HDAC9: variants seen among roughly 807,000 people sequenced by gnomAD.
HDAC9 encodes the protein MEF-2 interacting transcription repressor (MITR) protein.
In HDAC9, 41 loss-of-function variants were observed where a neutral mutation model predicts 139.4. That is an observed-to-expected ratio of 0.29 (90% CI 0.23 to 0.38). HDAC9 has a LOEUF of 0.38. Among genes scored for constraint, HDAC9 ranks in the 10% least tolerant of loss-of-function variants. HDAC9 has a pLI of 1.00. For synonymous variants in HDAC9, 517 were observed against 476.2 expected (o/e 1.09, Z -1.12); for missense variants, 1,147 against 1,297.0 (o/e 0.88, Z 1.78).
chr7:18,661,986 G>A (rs973093577), intron 11 of HDAC9, among the ~76,000 whole-genome samples: 2 of 152,102 alleles, frequency 1.3e-5, no homozygotes, highest in African/African-American at 4.8e-5. Context: ...GACTTCACAG[G>A]TCAGATTTCA....
chr7:18,437,605 T>C (rs887696802), intron 1 of HDAC9, among the ~76,000 whole-genome samples: 3 of 150,316 alleles, frequency 2.0e-5, no homozygotes, highest in African/African-American at 7.3e-5. Context: ...TTATATAAAG[T>C]ATGATATGAA....
At chr7:18,656,337 A>C (rs147675115) in intron 11 of HDAC9, among the ~76,000 whole-genome samples, 3 of 152,188 alleles carry the variant, frequency 2.0e-5, no homozygotes, top group Non-Finnish European at 2.9e-5. Flanking sequence ...ATGATGTTCC[A>C]CAAAGACTTA....
At chr7:18,257,345 C>CA (rs1399642755) in intron 2 of HDAC9, among the ~76,000 whole-genome samples, 2 of 148,942 alleles carry the variant, frequency 1.3e-5, no homozygotes, top group Non-Finnish European at 1.5e-5. Flanking sequence ...CTGGATGACA[C>CA]AATGAGACCA....
chr7:18,678,974 A>G (rs1234830271), intron 12 of HDAC9, among the ~76,000 whole-genome samples: 2 of 151,934 alleles, frequency 1.3e-5, no homozygotes, highest in African/African-American at 2.4e-5. Flanking sequence ...TCTCTGGAGC[A>G]TTTAACAGGG....
At chr7:18,258,951 CTTTTTTTTTTTTTTTTTTTT>C (rs199607615) in intron 2 of HDAC9, among the ~76,000 whole-genome samples, 1 of 98,326 alleles carries the variant, frequency 1.0e-5, no homozygotes, top group Non-Finnish European at 2.1e-5. Context: ...TCTTCTTCTC[CTTTTTTTTTTTTTTTTTTTT>C]TTTTTTTTTT....
At chr7:18,178,076 A>ACCTCC (rs978020982) in intron 2 of HDAC9, among the ~76,000 whole-genome samples, 3 of 24,388 alleles carry the variant, frequency 1.2e-4, no homozygotes, top group East Asian at 8.7e-4. Flanking sequence ...TCCCTCCTCC[A>ACCTCC]CCTCCCCTCC....
chr7:18,418,680 A>T (rs1789325908), intron 1 of HDAC9, among the ~76,000 whole-genome samples: 1 of 152,094 alleles, frequency 6.6e-6, no homozygotes, highest in Admixed American at 6.6e-5. Context: ...TTAGTGATAA[A>T]ATTTTATGCT....
chr7:18,502,217 G>A (rs1455560884), intron 2 of HDAC9: 1 of 152,210 alleles, frequency 6.6e-6, no homozygotes, highest in African/African-American at 2.4e-5. Flanking sequence ...AAACTCCAGA[G>A]ACAAAGAGGG....
intron 16 of HDAC9, among the ~76,000 whole-genome samples, chr7:18,791,401 C>G (rs1353014811): frequency 6.6e-6 from 1 of 152,092 alleles, no homozygotes; most frequent in Non-Finnish European, 1.5e-5. Flanking sequence ...TGACTAAAAC[C>G]TATATAATAC....
At chr7:18,334,864 CG>C (rs899877152) in intron 1 of HDAC9, among the ~76,000 whole-genome samples, 2 of 151,290 alleles carry the variant, frequency 1.3e-5, no homozygotes, top group South Asian at 2.1e-4. Context: ...AGATTACAGG[CG>C]GGGATGAGGT....
intron 2 of HDAC9, among the ~76,000 whole-genome samples, chr7:18,548,104 A>T (rs1815784190): frequency 6.6e-6 from 1 of 151,918 alleles, no homozygotes; most frequent in Non-Finnish European, 1.5e-5. Flanking sequence ...AGGGTTATTA[A>T]TTGCCCTAAT....
chr7:18,728,138 A>G (rs1785707569), intron 13 of HDAC9, among the ~76,000 whole-genome samples: 1 of 152,010 alleles, frequency 6.6e-6, no homozygotes, highest in South Asian at 2.1e-4. Context: ...GTACCCTTTA[A>G]CCAGTTTGTT....
At chr7:18,836,568 C>T (rs1796252889) in intron 21 of HDAC9, among the ~76,000 whole-genome samples, 1 of 152,072 alleles carries the variant, frequency 6.6e-6, no homozygotes, top group Non-Finnish European at 1.5e-5. Flanking sequence ...ACAAAATCTA[C>T]AAAATGTAAC....
chr7:18,323,207 ACT>A (rs2128638127), intron 1 of HDAC9, among the ~76,000 whole-genome samples: 1 of 152,158 alleles, frequency 6.6e-6, no homozygotes, highest in East Asian at 1.9e-4. Context: ...CTCCATATCC[ACT>A]GATTTCCAGT....
At chr7:18,308,118 C>G (rs188514867) in intron 1 of HDAC9, among the ~76,000 whole-genome samples, 1 of 152,146 alleles carries the variant, frequency 6.6e-6, no homozygotes, top group East Asian at 1.9e-4. Flanking sequence ...AGAACTTTGC[C>G]TTAATTTATA....
chr7:18,127,976 T>A (rs926118855), intron 1 of HDAC9, among the ~76,000 whole-genome samples: 1 of 152,186 alleles, frequency 6.6e-6, no homozygotes, highest in African/African-American at 2.4e-5. Flanking sequence ...ATTCTTAAAC[T>A]ATATTTTCAC....
At chr7:18,759,186 A>C (rs1789151835) in intron 14 of HDAC9, among the ~76,000 whole-genome samples, 1 of 151,994 alleles carries the variant, frequency 6.6e-6, no homozygotes, top group Non-Finnish European at 1.5e-5. Context: ...ACACAAGGGG[A>C]TGACCGATTC....
chr7:18,898,167 A>G (rs1017321676), intron 22 of HDAC9, among the ~76,000 whole-genome samples: 1 of 151,990 alleles, frequency 6.6e-6, no homozygotes, highest in Non-Finnish European at 1.5e-5. Flanking sequence ...GTTTTAAAAC[A>G]TTTATTGAGT....
chr7:18,414,794 T>G (rs1164556135), intron 1 of HDAC9, among the ~76,000 whole-genome samples: 1 of 152,204 alleles, frequency 6.6e-6, no homozygotes, highest in Non-Finnish European at 1.5e-5. Flanking sequence ...TCTTTGTTAT[T>G]TTTGAAGACT....
Sources: allele counts gnomAD v4.1 joint callset (sites outside exome capture counted in the v4.1 genomes callset), GRCh38; gene constraint gnomAD v4.1.1; transcripts MANE v1.5; gene names NCBI Gene and HGNC (gene_info 2026-07-23, HGNC 2026-07-21).